LARGE1: variants seen among roughly 807,000 people sequenced by gnomAD.
The protein encoded by LARGE1 is LARGE xylosyl- and glucuronyltransferase 1.
A neutral mutation model predicts 87.6 loss-of-function variants in LARGE1; 43 were observed. That is an observed-to-expected ratio of 0.49 (90% CI 0.38 to 0.63). LARGE1 has a LOEUF of 0.63. Ranked by LOEUF, LARGE1 falls within the 30% of genes least tolerant of loss-of-function variation. LARGE1 has a pLI of 0.00. For missense variants in LARGE1, 802 were observed against 1,000.2 expected (o/e 0.80, Z 2.67); for synonymous variants, 434 against 394.6 (o/e 1.10, Z -1.18).
intron 13 of LARGE1, among the ~76,000 whole-genome samples, chr22:33,282,227 C>G (rs1930575748): frequency 6.6e-6 from 1 of 152,198 alleles, no homozygotes; most frequent in East Asian, 1.9e-4. Flanking sequence ...TGCCTGTAAT[C>G]CCAGCTACTC....
At chr22:33,838,329 G>A (rs2063168729) in intron 1 of LARGE1, among the ~76,000 whole-genome samples, 1 of 152,150 alleles carries the variant, frequency 6.6e-6, no homozygotes, top group Non-Finnish European at 1.5e-5. Context: ...CAGCCACTAG[G>A]ATCTCAAAAA....
At chr22:33,738,156 T>C (rs367934201) in intron 2 of LARGE1, among the ~76,000 whole-genome samples, 58 of 152,224 alleles carry the variant, frequency 3.8e-4, no homozygotes, top group African/African-American at 1.4e-3. Context: ...GCTAATTTAA[T>C]GTCCCAGGAA....
At chr22:33,380,779 A>C (rs1216250808) in intron 9 of LARGE1, among the ~76,000 whole-genome samples, 1 of 152,220 alleles carries the variant, frequency 6.6e-6, no homozygotes, top group African/African-American at 2.4e-5. Context: ...AATGGATATA[A>C]ACTTTATATG....
chr22:33,329,262 G>A (rs570521137), intron 10 of LARGE1, among the ~76,000 whole-genome samples: 1 of 152,248 alleles, frequency 6.6e-6, no homozygotes, highest in South Asian at 2.1e-4. Flanking sequence ...TGGAGACACT[G>A]GCTGTTGACT....
intron 1 of LARGE1, among the ~76,000 whole-genome samples, chr22:33,802,047 AG>A (rs2086177931): frequency 6.6e-6 from 1 of 151,102 alleles, no homozygotes; most frequent in Non-Finnish European, 1.5e-5. Context: ...AAAAAAAAAA[AG>A]AGGGGTTAAC....
rs8136301 is a variant in LARGE1 at position 33,890,415 on chromosome 22, T to A, written c.-83+29580A>T. The stretch of plus-strand genomic sequence containing the variant: ...AAAAAATGAGCTTTTCTTCATATTT[T>A]TTTCAAATTAACCCGCACAGCAATT... On this transcript the variant is annotated intron_variant, in intron 1 of 14. Transcript: ENST00000397394. Among the ~76,000 whole-genome samples the A allele has an allele frequency of 5.6e-3, 848 of 152,308 alleles. 7 individuals carry two copies. Among genetic ancestry groups the A allele is most frequent in the African/African-American group, 0.019 (802 of 41,574 alleles).
At chr22:33,230,251 A>C (rs923564114) in intron 11 of LARGE1, among the ~76,000 whole-genome samples, 1 of 151,570 alleles carries the variant, frequency 6.6e-6, no homozygotes, top group Non-Finnish European at 1.5e-5. Flanking sequence ...TGACCTCGTA[A>C]TCTCGTAATC....
chr22:33,901,822 G>A (rs1214131273), intron 1 of LARGE1, among the ~76,000 whole-genome samples: 1 of 152,092 alleles, frequency 6.6e-6, no homozygotes, highest in African/African-American at 2.4e-5. Context: ...TATAGCAAAT[G>A]GCTTTCTAAA....
At chr22:33,582,589 C>A (rs917881705) in intron 5 of LARGE1, among the ~76,000 whole-genome samples, 3 of 152,218 alleles carry the variant, frequency 2.0e-5, no homozygotes, top group African/African-American at 7.2e-5. Flanking sequence ...AATGAACTAG[C>A]CATTGGCTGC....
intron 1 of LARGE1, among the ~76,000 whole-genome samples, chr22:33,779,751 A>G (rs1014846254): frequency 8.3e-5 from 12 of 145,332 alleles, no homozygotes; most frequent in African/African-American, 2.7e-4. Context: ...GCGCAACTGC[A>G]GTCTGGCCTG....
At chr22:33,765,203 T>C (rs1047411522) in intron 1 of LARGE1, among the ~76,000 whole-genome samples, 1 of 152,144 alleles carries the variant, frequency 6.6e-6, no homozygotes. Flanking sequence ...CCAAGGATTA[T>C]ACACTACTAG....
At chr22:33,804,883 A>T (rs1240176525) in intron 1 of LARGE1, among the ~76,000 whole-genome samples, 1 of 152,130 alleles carries the variant, frequency 6.6e-6, no homozygotes, top group Non-Finnish European at 1.5e-5. Flanking sequence ...AAGGCCAGCA[A>T]CCTCCAATCT....
At chr22:33,706,352 G>A (rs1210494582) in intron 2 of LARGE1, among the ~76,000 whole-genome samples, 12 of 152,202 alleles carry the variant, frequency 7.9e-5, no homozygotes, top group Non-Finnish European at 5.9e-5. Flanking sequence ...CCTGAGAACA[G>A]AGGGAAAGCT....
intron 4 of LARGE1, among the ~76,000 whole-genome samples, chr22:33,620,973 G>A (rs520657): frequency 0.74 from 112,019 of 151,690 alleles, 41,526 homozygotes; most frequent in African/African-American, 0.81. Flanking sequence ...AACACAAGAC[G>A]CAAAAGTCCT....
intron 4 of LARGE1, among the ~76,000 whole-genome samples, chr22:33,611,330 G>A (rs994480387): frequency 1.2e-4 from 19 of 152,272 alleles, no homozygotes; most frequent in Admixed American, 2.0e-4. Flanking sequence ...AGCCACAGGA[G>A]TGTTCCTGCC....
At chr22:33,077,086 G>T in the LARGE1 span, among the ~76,000 whole-genome samples, 1 of 152,036 alleles carries the variant, frequency 6.6e-6, no homozygotes, top group African/African-American at 2.4e-5. Context: ...CACAAGAAAT[G>T]CTCAAAACTG....
intron 2 of LARGE1, among the ~76,000 whole-genome samples, chr22:33,738,211 A>G (rs2083730434): frequency 6.6e-6 from 1 of 152,226 alleles, no homozygotes; most frequent in Non-Finnish European, 1.5e-5. Flanking sequence ...AATAAAGCCC[A>G]TTCTGGGAAA....
At chr22:33,823,089 G>A (rs145082860) in intron 1 of LARGE1, among the ~76,000 whole-genome samples, 13 of 152,222 alleles carry the variant, frequency 8.5e-5, no homozygotes, top group East Asian at 1.9e-4. Context: ...CAGAGATATC[G>A]GGGTTGTCCA....
intron 1 of LARGE1, among the ~76,000 whole-genome samples, chr22:33,815,658 C>T (rs1322415007): frequency 1.3e-5 from 2 of 152,152 alleles, no homozygotes; most frequent in African/African-American, 2.4e-5. Flanking sequence ...ACTCACACAC[C>T]TGGGCTTGCC....
Sources: gnomAD v4.1 joint callset for allele counts (sites outside exome capture counted in the v4.1 genomes callset) on GRCh38, gnomAD v4.1.1 for gene constraint, MANE v1.5 for transcripts, NCBI Gene and HGNC (gene_info 2026-07-23, HGNC 2026-07-21) for gene names.